The following STAMBP variants were observed in gnomAD, a reference collection of about 807,000 sequenced individuals.
The protein encoded by STAMBP is STAM binding protein, also known as STAM-binding protein.
Under a neutral mutation model 50.7 loss-of-function variants are expected in STAMBP, and 31 were observed. That is an observed-to-expected ratio of 0.61 (90% CI 0.46 to 0.83). STAMBP has a LOEUF of 0.83. Ranked by LOEUF, STAMBP falls within the 40% of genes least tolerant of loss-of-function variation. The pLI is 0.00. For missense variants in STAMBP, 472 were observed against 518.9 expected, an observed-to-expected ratio of 0.91 and a Z score of 0.88; for synonymous variants, 211 against 192.4, an observed-to-expected ratio of 1.10 and a Z score of -0.80.
At chr2:73,849,121 A>G (rs1470611220) in intron 5 of STAMBP, among the ~76,000 whole-genome samples, 1 of 152,206 alleles carries the variant, frequency 6.6e-6, no homozygotes, top group Non-Finnish European at 1.5e-5. Context: ...CTTAACTTGA[A>G]TAATTAAAGC....
chr2:73,834,753 T>C (rs893404798), intron 2 of STAMBP, among the ~76,000 whole-genome samples: 1 of 152,128 alleles, frequency 6.6e-6, no homozygotes, highest in Non-Finnish European at 1.5e-5. Context: ...AAGACAAGAT[T>C]TGAGCTGAGA....
chr2:73,843,406 G>GTATA (rs773798563), intron 2 of STAMBP, among the ~76,000 whole-genome samples: 3,169 of 129,810 alleles, frequency 0.024, 156 homozygotes, highest in African/African-American at 0.076. Context: ...GTTTGTGTAT[G>GTATA]TATATATATA....
rs1676260074 is a variant in STAMBP at position 73,847,431 on chromosome 2, A to G, written c.420A>G (p.Gln140=). The change falls in exon 5 of 10, where the codon CAA becomes CAG. Residue 140 remains glutamine (Q), a synonymous_variant. Coordinates refer to ENST00000394070, the MANE Select transcript of STAMBP (RefSeq NM_213622.4). The stretch of plus-strand genomic sequence containing the variant: ...TGGCCCGGAACATGGCCATCCAGCA[A>G]GAGCTGGAAAAGGAAAAACAGAGGG... The part of the protein sequence containing the change: ...EELARNMAIQ[Q]ELEKEKQRVA... The G allele has an allele frequency of 6.2e-7, 1 of 1,613,114 alleles. No individual in the cohort carries two copies. The highest frequency in any genetic ancestry group is 1.3e-5 in the African/African-American group (1 of 74,870).
At chr2:73,868,452 C>T (rs960745678), downstream of STAMBP, among the ~76,000 whole-genome samples, 1 of 151,970 alleles carries the variant, frequency 6.6e-6, no homozygotes, top group Admixed American at 6.6e-5. Flanking sequence ...ATGGTGACCT[C>T]ATTAAAAGAA....
chr2:73,873,102 C>T (rs77503812), intron 10 of STAMBP, among the ~76,000 whole-genome samples: 5,420 of 152,190 alleles, frequency 0.036, 127 homozygotes, highest in Non-Finnish European at 0.056. Context: ...GCTGAGACAC[C>T]GGGTTGTCTG....
chr2:73,845,003 A>C (rs1675883240), intron 3 of STAMBP, 115 bp downstream of exon 3: 2 of 1,521,182 alleles, frequency 1.3e-6, no homozygotes, highest in Middle Eastern at 2.3e-4. Flanking sequence ...ATAGGAGATA[A>C]GGCCATTTCA....
In STAMBP at chr2:73,866,286, C is replaced by G. The variant is rs1678880560; in HGVS notation, c.*4027C>G. ...TCCTTCCAGTTCCTTTAGTGCCTTC[C>G]CTCACTGGTAGGTTCACTCTGAGGG... On this transcript the variant is annotated 3_prime_UTR_variant, in exon 10 of 10. Coordinates refer to ENST00000394070, the MANE Select transcript of STAMBP (RefSeq NM_213622.4). The G allele has an allele frequency of 6.6e-6, 1 of 152,228 alleles. No individual in the cohort carries two copies. The highest frequency in any genetic ancestry group is 2.4e-5 in the African/African-American group (1 of 41,470). The allele number at this position is 152,228 out of a possible 1,614,324, so 9.4% of individuals were successfully genotyped here. A position where few individuals can be genotyped will look rare whatever the true frequency, so the allele number is the denominator to read the frequency against.
chr2:73,837,506 A>T (rs1030932468), intron 2 of STAMBP, among the ~76,000 whole-genome samples: 4 of 142,580 alleles, frequency 2.8e-5, no homozygotes, highest in Non-Finnish European at 4.5e-5. Context: ...AATGGCGTGA[A>T]CCCGGGAGGC....
Position 73,862,270 on chromosome 2 carries a change from C to T in STAMBP, c.*11C>T. ...ACAGACCTTCGATGAGCGTTTGAGT[C>T]CAACACCTTCCAAGAACAACAAAAC... On this transcript the variant is annotated 3_prime_UTR_variant, in exon 10 of 10. Coordinates refer to ENST00000394070, the MANE Select transcript of STAMBP (RefSeq NM_213622.4). 6 of 1,607,014 alleles carry T rather than the reference C, an allele frequency of 3.7e-6. No homozygotes were observed. The highest frequency in any genetic ancestry group is 5.1e-6 in the Non-Finnish European group (6 of 1,177,374).
intron 7 of STAMBP, among the ~76,000 whole-genome samples, chr2:73,852,315 A>G (rs1476927327): frequency 6.6e-6 from 1 of 152,134 alleles, no homozygotes; most frequent in African/African-American, 2.4e-5. Context: ...CTCATAAGCA[A>G]AAGTAGGGGA....
chr2:73,851,272 G>A (rs1676768257), intron 7 of STAMBP, among the ~76,000 whole-genome samples: 1 of 152,144 alleles, frequency 6.6e-6, no homozygotes, highest in African/African-American at 2.4e-5. Flanking sequence ...GCCTATTATT[G>A]TGTATCCCCA....
chr2:73,857,749 T>C (rs1392360807), intron 7 of STAMBP, among the ~76,000 whole-genome samples: 1 of 152,158 alleles, frequency 6.6e-6, no homozygotes, highest in Non-Finnish European at 1.5e-5. Context: ...ACAATGTAAG[T>C]GAGGGCATAC....
Position 73,834,237 on chromosome 2 carries a change from ATATATATATATATATATATATATAT to A in STAMBP, c.203+3179_203+3203del, listed in dbSNP as rs1271728910. 4.3e-3 allele frequency among the ~76,000 whole-genome samples: 48 copies of A among 11,216 alleles called. 9 individuals carry two copies. Among genetic ancestry groups the A allele is most frequent in the Middle Eastern group, 0.1 (1 of 10 alleles). The allele number at this position is 11,216 out of a possible 152,430, so 7.4% of individuals were successfully genotyped here. A position where few individuals can be genotyped will look rare whatever the true frequency, so the allele number is the denominator to read the frequency against. On this transcript the variant is annotated intron_variant, in intron 2 of 9. Transcript: ENST00000394070. ...AAAAAAAAAAAAAAAAAAAAAAAAA[ATATATATATATATATATATATATAT>A]ATATATATATATATATATATATATA...
chr2:73,867,850 T>G (rs1310529972), downstream of STAMBP, among the ~76,000 whole-genome samples: 1 of 151,924 alleles, frequency 6.6e-6, no homozygotes, highest in East Asian at 1.9e-4. Flanking sequence ...ATTGGCCAGG[T>G]GCGGTGGCTT....
At chr2:73,846,895 AACATGGCGAAACCCTGTCTCT>A (rs1676151290) in intron 4 of STAMBP, among the ~76,000 whole-genome samples, 1 of 152,086 alleles carries the variant, frequency 6.6e-6, no homozygotes, top group Admixed American at 6.6e-5. Flanking sequence ...TAGCCTGGGC[AACATGGCGAAACCCTGTCTCT>A]ACAAAAAATA....
In STAMBP at chr2:73,850,488, G is replaced by A. The variant is rs778949014; in HGVS notation, c.980G>A (p.Gly327Asp). Residue 327 changes from glycine to aspartate, a missense_variant, in exon 7 of 10, where the codon GGC becomes GAC. Gly to Asp is a moderately conservative substitution (Grantham distance 94). Transcript: ENST00000394070. This position sits in a 1 kb window ranked among gnomAD's most constrained non-coding sequence, Gnocchi z 4.3. ...EELFLIQDQQGLITLGWIHTH... is the reference protein window; with the variant it reads ...EELFLIQDQQDLITLGWIHTH... ...CTTTTCCTCATACAGGATCAGCAGG[G>A]CCTCATCACACTGGGCTGGATTCAT... The A allele has an allele frequency of 1.9e-6, 3 of 1,613,414 alleles. No homozygotes were observed. Among genetic ancestry groups the A allele is most frequent in the South Asian group, 1.1e-5 (1 of 90,840 alleles).
At chr2:73,868,400 G>C (rs1456170841), downstream of STAMBP, among the ~76,000 whole-genome samples, 1 of 152,036 alleles carries the variant, frequency 6.6e-6, no homozygotes, top group African/African-American at 2.4e-5. Context: ...ACCTGACTCT[G>C]AGAGCCCTGA....
intron 8 of STAMBP, among the ~76,000 whole-genome samples, chr2:73,859,732 A>AAAAATT (rs1216057102): frequency 8.9e-5 from 13 of 145,538 alleles, no homozygotes; most frequent in African/African-American, 2.9e-4. Flanking sequence ...AAATAAAAAT[A>AAAAATT]AAAAATAAGA....
At position 73,839,212 on chromosome 2, in the gene STAMBP, C is replaced by G. The variant is rs150610073; in HGVS notation, c.204-5601C>G. Among the ~76,000 whole-genome samples the G allele has an allele frequency of 4.6e-5, 7 of 152,308 alleles. 1 individual carries two copies. In the East Asian group the frequency reaches 1.2e-3, roughly 25 times the overall value. ...TAATGATCTCAGGCATATTTCCCCC[C>G]TCAGTAGCTTCCCTAATGTAGGAAT... On this transcript the variant is annotated intron_variant, in intron 2 of 9. Coordinates refer to ENST00000394070, the MANE Select transcript of STAMBP (RefSeq NM_213622.4).
Sources: gnomAD v4.1 joint callset for allele counts (sites outside exome capture counted in the v4.1 genomes callset) on GRCh38, gnomAD v4.1.1 for gene constraint, Gnocchi (gnomAD v3.1) non-coding constraint, MANE v1.5 for transcripts, NCBI Gene and HGNC (gene_info 2026-07-23, HGNC 2026-07-21) for gene names.